SAMD3: variants seen among roughly 807,000 people sequenced by gnomAD.
SAMD3 encodes sterile alpha motif domain-containing protein 3.
Under a neutral mutation model 58.5 loss-of-function variants are expected in SAMD3, and 63 were observed. That is an observed-to-expected ratio of 1.08 (90% confidence interval 0.88 to 1.33). The LOEUF (loss-of-function observed/expected upper bound fraction) is 1.33. SAMD3 is among the 40% of genes most tolerant of loss of function. The pLI is 0.00. For missense variants in SAMD3, 604 were observed against 608.4 expected (o/e 0.99, Z 0.08); for synonymous variants, 220 against 210.3 (o/e 1.05, Z -0.40).
chr6:130,272,866 C>T (rs1295693580), intron 2 of SAMD3, among the ~76,000 whole-genome samples: 1 of 152,108 alleles, frequency 6.6e-6, no homozygotes, highest in Non-Finnish European at 1.5e-5. Context: ...TTAACGATGG[C>T]CTACTCATTT....
At chr6:130,260,775 G>A (rs1830557) in intron 2 of SAMD3, among the ~76,000 whole-genome samples, 67,934 of 152,074 alleles carry the variant, frequency 0.45, 17,198 homozygotes, top group African/African-American at 0.69. Flanking sequence ...CCAGTGAGAC[G>A]CCTCACCAGA....
At chr6:130,257,176 T>C (rs886970557) in intron 2 of SAMD3, among the ~76,000 whole-genome samples, 3 of 150,520 alleles carry the variant, frequency 2.0e-5, no homozygotes, top group Non-Finnish European at 4.4e-5. Context: ...TCTCTCTCCT[T>C]ATAAGGACAG....
At chr6:130,338,179 C>T (rs1777159176) in intron 1 of SAMD3, among the ~76,000 whole-genome samples, 2 of 152,234 alleles carry the variant, frequency 1.3e-5, no homozygotes, top group African/African-American at 4.8e-5. Context: ...GGCCATGATA[C>T]AGCTTGGACC....
At chr6:130,164,936 A>G (rs1562385130) in intron 8 of SAMD3, among the ~76,000 whole-genome samples, 1 of 152,166 alleles carries the variant, frequency 6.6e-6, no homozygotes, top group Non-Finnish European at 1.5e-5. Flanking sequence ...AGGAAGATAT[A>G]GCAATTATAA....
intron 2 of SAMD3, among the ~76,000 whole-genome samples, chr6:130,271,876 A>G (rs1289328622): frequency 6.6e-6 from 1 of 152,138 alleles, no homozygotes; most frequent in African/African-American, 2.4e-5. Context: ...AAACCATCAG[A>G]TCTCATGAGA....
intron 8 of SAMD3, among the ~76,000 whole-genome samples, chr6:130,155,859 G>A (rs1170419722): frequency 6.6e-6 from 1 of 152,162 alleles, no homozygotes; most frequent in Non-Finnish European, 1.5e-5. Flanking sequence ...TAAACCAAGT[G>A]AAGGAACGCC....
At chr6:130,205,036 C>A (rs1008498023) in intron 5 of SAMD3, among the ~76,000 whole-genome samples, 1 of 151,778 alleles carries the variant, frequency 6.6e-6, no homozygotes, top group Non-Finnish European at 1.5e-5. Context: ...GGCACTTGTT[C>A]CCCACCTCTC....
Position 130,266,904 on chromosome 6 carries a change from A to G in SAMD3, c.-187-44091T>C, listed in dbSNP as rs892031977. Among the ~76,000 whole-genome samples, 4 of 152,310 alleles carry G rather than the reference A, an allele frequency of 2.6e-5. No individual in the cohort carries two copies. The East Asian group carries it at 7.7e-4, about 29-fold the overall frequency. ...TATAGGCCTGCCACTTGGGCACAAG[A>G]TGGCTCATGAGGATACCGGACCCCC... On this transcript the variant is annotated intron_variant, in intron 2 of 13. Coordinates refer to the SAMD3 transcript ENST00000368134.
intron 5 of SAMD3, among the ~76,000 whole-genome samples, chr6:130,199,029 T>G (rs893919023): frequency 6.6e-6 from 1 of 152,248 alleles, no homozygotes; most frequent in African/African-American, 2.4e-5. Context: ...GGAACTGTGA[T>G]ATTTTCCTAG....
chr6:130,255,329 G>A (rs948972559), intron 2 of SAMD3, among the ~76,000 whole-genome samples: 2 of 152,154 alleles, frequency 1.3e-5, no homozygotes, highest in South Asian at 4.1e-4. Context: ...CTAAAGCATT[G>A]TTTGAGTCCA....
chr6:130,178,220 C>T (rs1582805980), intron 7 of SAMD3, among the ~76,000 whole-genome samples: 1 of 150,608 alleles, frequency 6.6e-6, no homozygotes, highest in African/African-American at 2.5e-5. Context: ...AGGTAATCTG[C>T]GCACCTCGGC....
chr6:130,162,398 A>G (rs1790357694), intron 8 of SAMD3: 1 of 598,990 alleles, frequency 1.7e-6, no homozygotes, highest in African/African-American at 1.9e-5. Flanking sequence ...TCTCCCAGAA[A>G]TGAATAAAAA....
intron 9 of SAMD3, among the ~76,000 whole-genome samples, chr6:130,154,181 C>T (rs1243650983): frequency 1.3e-5 from 2 of 150,128 alleles, no homozygotes; most frequent in African/African-American, 2.5e-5. Context: ...TGACAGAGAA[C>T]TCTTTAGTTC....
intron 9 of SAMD3, among the ~76,000 whole-genome samples, chr6:130,153,121 GTTAATA>G (rs1253949481): frequency 2.6e-5 from 4 of 152,188 alleles, no homozygotes; most frequent in Non-Finnish European, 4.4e-5. Flanking sequence ...TTTGGGAACT[GTTAATA>G]TTAACACGTG....
At chr6:130,358,737 AC>A (rs1777904586) in intron 1 of SAMD3, among the ~76,000 whole-genome samples, 1 of 145,758 alleles carries the variant, frequency 6.9e-6, no homozygotes, top group Non-Finnish European at 1.5e-5. Flanking sequence ...ACACACACAC[AC>A]ACACACACAC....
intron 2 of SAMD3, among the ~76,000 whole-genome samples, chr6:130,309,384 G>C (rs141239409): frequency 1.3e-5 from 2 of 152,188 alleles, no homozygotes; most frequent in Admixed American, 1.3e-4. Flanking sequence ...CAGGGCTTTT[G>C]TGGGAAGCAG....
chr6:130,291,043 G>T (rs4897406), intron 2 of SAMD3, among the ~76,000 whole-genome samples: 42,182 of 151,856 alleles, frequency 0.28, 6,276 homozygotes, highest in East Asian at 0.45. Flanking sequence ...ATTCTGATGT[G>T]TGGTTCACAA....
At position 130,222,246 on chromosome 6, in the gene SAMD3, A is replaced by T. The variant is rs144349769; in HGVS notation, c.-68+448T>A. Among the ~76,000 whole-genome samples, 20 of 152,352 alleles carry T rather than the reference A, an allele frequency of 1.3e-4. No homozygotes were observed. The East Asian group carries it at 3.9e-3, about 29-fold the overall frequency. On this transcript the variant is annotated intron_variant, in intron 1 of 11. Coordinates refer to ENST00000439090, the MANE Select transcript of SAMD3 (RefSeq NM_001017373.4). The stretch of plus-strand genomic sequence containing the variant: ...CATTTCTAAGAATGTGCCTAAAGAC[A>T]TTAACAGAAATGAACACAAAGATGT...
chr6:130,193,909 T>C (rs956227309), intron 5 of SAMD3, among the ~76,000 whole-genome samples: 1 of 152,016 alleles, frequency 6.6e-6, no homozygotes, highest in East Asian at 1.9e-4. Context: ...CTTCCTTCTT[T>C]CCCTCCCTCC....
Sources: gnomAD v4.1 joint callset for allele counts (sites outside exome capture counted in the v4.1 genomes callset) on GRCh38, gnomAD v4.1.1 for gene constraint, MANE v1.5 for transcripts, NCBI Gene and HGNC (gene_info 2026-07-23, HGNC 2026-07-21) for gene names.